IL10RA: variants seen among roughly 807,000 people sequenced by gnomAD.
IL10RA encodes the protein interleukin-10 receptor subunit alpha.
IL10RA carries 18 observed loss-of-function variants against 29.6 expected under a neutral mutation model. That is an observed-to-expected ratio of 0.61 (90% CI 0.42 to 0.90). IL10RA has a LOEUF of 0.90. Ranked by LOEUF, IL10RA falls within the 40% of genes least tolerant of loss-of-function variation. The pLI, the probability that IL10RA is intolerant of heterozygous loss-of-function variation, is 0.00. For synonymous variants in IL10RA, 292 were observed against 294.1 expected (o/e 0.99, Z 0.07); for missense variants, 634 against 716.6 (o/e 0.88, Z 1.32).
rs542618631 is a variant in IL10RA, at chr11:117,989,081, C to G, written c.189-361C>G. 6.6e-6 allele frequency among the ~76,000 whole-genome samples: 1 copy of G among 152,328 alleles called. No homozygotes were observed. The highest frequency in any genetic ancestry group is 1.9e-4 in the East Asian group (1 of 5,186). On this transcript the variant is annotated intron_variant, in intron 2 of 6. Coordinates refer to ENST00000227752, the MANE Select transcript of IL10RA (RefSeq NM_001558.4). This position sits in a 1 kb window ranked among gnomAD's most constrained non-coding sequence, Gnocchi z 4.5. ...CGGCCTCCAAGGCTTTTCTATCTTACTGGAAAAGGAGAAGCATCCACAGTA... is the reference window on the plus strand; with the variant it reads ...CGGCCTCCAAGGCTTTTCTATCTTAGTGGAAAAGGAGAAGCATCCACAGTA...
At chr11:117,992,038 G>C (rs2058026001) in intron 3 of IL10RA, among the ~76,000 whole-genome samples, 1 of 152,066 alleles carries the variant, frequency 6.6e-6, no homozygotes, top group Admixed American at 6.6e-5. Flanking sequence ...CCGGGCCTCA[G>C]TTTCCTATTT....
intron 1 of IL10RA, chr11:117,986,739 G>A (rs2057989326): frequency 3.3e-6 from 5 of 1,533,176 alleles, no homozygotes; most frequent in Non-Finnish European, 3.5e-6. Context: ...GACGGATTGG[G>A]AAGGATAGAG....
In IL10RA at chr11:117,989,426, C is replaced by T. The variant is rs755048828; in HGVS notation, c.189-16C>T. The T allele has an allele frequency of 6.2e-7, 1 of 1,612,700 alleles. No homozygotes were observed. The highest frequency in any genetic ancestry group is 8.5e-7 in the Non-Finnish European group (1 of 1,178,626). ...GCACAAGCTCGTTTCCAGTGCCTAA[C>T]CTGGTATCTCCTCAGGTATGGAATA... is the stretch of plus-strand genomic sequence containing the variant. On this transcript the variant is annotated splice_polypyrimidine_tract_variant and intron_variant, in intron 2 of 6. Transcript: ENST00000227752. The surrounding 1 kb of genome is among the most constrained non-coding windows in gnomAD (Gnocchi z 4.5).
intron 6 of IL10RA, among the ~76,000 whole-genome samples, chr11:117,998,121 C>A (rs1178338403): frequency 1.3e-5 from 2 of 152,152 alleles, no homozygotes; most frequent in African/African-American, 4.8e-5. Context: ...GCTGCAGCCA[C>A]CATGTTCGCG....
chr11:117,996,078 G>A (rs2058053949), intron 6 of IL10RA, among the ~76,000 whole-genome samples: 1 of 152,206 alleles, frequency 6.6e-6, no homozygotes, highest in South Asian at 2.1e-4. Context: ...GGAAACTGAG[G>A]CACAGAGAGA....
At chr11:117,992,287 A>G (rs1236013900) in intron 3 of IL10RA, among the ~76,000 whole-genome samples, 1 of 152,260 alleles carries the variant, frequency 6.6e-6, no homozygotes, top group Non-Finnish European at 1.5e-5. Flanking sequence ...ACTGTTTTCC[A>G]TAATGGCTGA....
chr11:117,989,843 A>T lies in IL10RA; in HGVS notation c.367+223A>T. The T allele has an allele frequency of 1.6e-6, 1 of 609,086 alleles. No individual in the cohort carries two copies. The highest frequency in any genetic ancestry group is 1.9e-5 in the South Asian group (1 of 53,334). 37.7% of individuals were successfully genotyped at this position (609,086 alleles called of 1,614,324 possible). A position where few individuals can be genotyped will look rare whatever the true frequency, so the allele number is the denominator to read the frequency against. ...GAACTGGAGTTGTTTATCCTACAGA[A>T]GAGAGGTCTTGGGGTGGGTTGGGAC... is the stretch of plus-strand genomic sequence containing the variant. On this transcript the variant is annotated intron_variant, in intron 3 of 6. Coordinates refer to ENST00000227752, the MANE Select transcript of IL10RA (RefSeq NM_001558.4). The surrounding 1 kb of genome is among the most constrained non-coding windows in gnomAD (Gnocchi z 4.5).
At chr11:118,002,740 C>G (rs1288639008), downstream of IL10RA, 1 of 152,224 alleles carries the variant, frequency 6.6e-6, no homozygotes, top group Non-Finnish European at 1.5e-5. Flanking sequence ...TTTGAGGCTG[C>G]TCTGTAACCA....
Position 117,998,939 on chromosome 11 carries a change from C to G in IL10RA, c.1035C>G (p.Asp345Glu), listed in dbSNP as rs532783162. The G allele has an allele frequency of 3.1e-6, 5 of 1,613,526 alleles. No homozygotes were observed. The African/African-American group carries it at 4.0e-5, about 13-fold the overall frequency. Reference protein sequence around the residue: ...FLLPDPHPQADRTLGNREPPV... With the variant: ...FLLPDPHPQAERTLGNREPPV... ...TCCCTGACCCTCACCCCCAGGCTGA[C>G]AGAACGCTGGGAAACAGGGAGCCCC... Residue 345 changes from aspartate to glutamate, a missense_variant, in exon 7 of 7, where the codon GAC (aspartate) becomes GAG (glutamate). Transcript: ENST00000227752.
rs1356614616 is a variant in IL10RA, at chr11:117,989,574, G to T, written c.321G>T (p.Arg107=). Reference sequence around the variant, plus strand: ...GAGTGCGGGCTGTGGACGGCAGCCGGCACTCCAACTGGACCGTCACCAACA... The same window carrying T: ...GAGTGCGGGCTGTGGACGGCAGCCGTCACTCCAACTGGACCGTCACCAACA... ...RARVRAVDGS[R]HSNWTVTNTR... The change falls in exon 3 of 7, where the codon CGG becomes CGT. Residue 107 remains arginine, a synonymous_variant. Transcript: ENST00000227752. This position sits in a 1 kb window ranked among gnomAD's most constrained non-coding sequence, Gnocchi z 4.5. 1.2e-6 allele frequency: 2 copies of T among 1,614,010 alleles called. No homozygotes were observed. Among genetic ancestry groups the T allele is most frequent in the Non-Finnish European group, 1.7e-6 (2 of 1,180,030 alleles).
At position 117,989,409 on chromosome 11, in the gene IL10RA, T is replaced by A. The variant is rs1196053707; in HGVS notation, c.189-33T>A. ...AAAGGAGGTAGGATTGAGCACAAGC[T>A]CGTTTCCAGTGCCTAACCTGGTATC... is the stretch of plus-strand genomic sequence containing the variant. On this transcript the variant is annotated intron_variant, in intron 2 of 6. Coordinates refer to ENST00000227752, the MANE Select transcript of IL10RA (RefSeq NM_001558.4). The surrounding 1 kb of genome is among the most constrained non-coding windows in gnomAD (Gnocchi z 4.5). 2 of 1,598,864 alleles carry A rather than the reference T, an allele frequency of 1.3e-6. No individual in the cohort carries two copies. Among genetic ancestry groups the A allele is most frequent in the Non-Finnish European group, 1.7e-6 (2 of 1,166,154 alleles).
At chr11:117,991,243 T>C (rs955235392) in intron 3 of IL10RA, among the ~76,000 whole-genome samples, 2 of 152,056 alleles carry the variant, frequency 1.3e-5, no homozygotes, top group African/African-American at 4.8e-5. Context: ...GTTGAAAACG[T>C]TTTATAAAAA....
At chr11:117,990,317 A>C (rs1369249969) in intron 3 of IL10RA, among the ~76,000 whole-genome samples, 1 of 151,160 alleles carries the variant, frequency 6.6e-6, no homozygotes, top group African/African-American at 2.4e-5. Context: ...AGAAATTCAG[A>C]CCAACTGTGT....
intron 1 of IL10RA, 81 bp downstream of exon 1, chr11:117,986,615 C>CCTGG: frequency 6.5e-7 from 1 of 1,543,890 alleles, no homozygotes; most frequent in South Asian, 1.2e-5. Flanking sequence ...AGTGGAGAGC[C>CCTGG]CTGGCTGGCT....
Position 117,989,403 on chromosome 11 carries a change from A to G in IL10RA, c.189-39A>G. Reference sequence around the variant, plus strand: ...TCCCTTAAAGGAGGTAGGATTGAGCACAAGCTCGTTTCCAGTGCCTAACCT... The same window carrying G: ...TCCCTTAAAGGAGGTAGGATTGAGCGCAAGCTCGTTTCCAGTGCCTAACCT... On this transcript the variant is annotated intron_variant, in intron 2 of 6. Transcript: ENST00000227752. The surrounding 1 kb of genome is among the most constrained non-coding windows in gnomAD (Gnocchi z 4.5). The G allele has an allele frequency of 6.3e-7, 1 of 1,587,842 alleles. No homozygotes were observed.
intron 1 of IL10RA, chr11:117,987,200 C>T (rs973343219): frequency 7.5e-6 from 2 of 265,918 alleles, no homozygotes; most frequent in Admixed American, 4.8e-5. Context: ...GAGCAAGGAC[C>T]GAAACTGCTT....
intron 3 of IL10RA, among the ~76,000 whole-genome samples, chr11:117,990,553 CGTA>C (rs1565371257): frequency 2.6e-5 from 4 of 152,088 alleles, no homozygotes; most frequent in Non-Finnish European, 4.4e-5. Context: ...TACATACTTA[CGTA>C]ATTAGGAATT....
At chr11:117,991,425 C>T (rs538388703) in intron 3 of IL10RA, among the ~76,000 whole-genome samples, 142 of 152,150 alleles carry the variant, frequency 9.3e-4, no homozygotes, top group African/African-American at 3.2e-3. Context: ...TATTATCTTT[C>T]AGCTATTTTG....
Position 117,993,078 on chromosome 11 carries a change from C to T in IL10RA, c.368-163C>T, listed in dbSNP as rs902507463. Reference sequence around the variant, plus strand: ...GGTATATGTATTTTTAATGTGCTCCCCAAGAAGTCCTTACATTCTGCTGCA... The same window carrying T: ...GGTATATGTATTTTTAATGTGCTCCTCAAGAAGTCCTTACATTCTGCTGCA... On this transcript the variant is annotated intron_variant, in intron 3 of 6. Transcript: ENST00000227752. 3 of 652,264 alleles carry T rather than the reference C, an allele frequency of 4.6e-6. No homozygotes were observed. The South Asian group carries it at 5.2e-5, about 11-fold the overall frequency. 40.4% of individuals were successfully genotyped at this position (652,264 alleles called of 1,614,324 possible).
Sources: gnomAD v4.1 joint callset for allele counts (sites outside exome capture counted in the v4.1 genomes callset) on GRCh38, gnomAD v4.1.1 for gene constraint, Gnocchi (gnomAD v3.1) non-coding constraint, MANE v1.5 for transcripts, NCBI Gene and HGNC (gene_info 2026-07-23, HGNC 2026-07-21) for gene names.